NEK7: variants seen among roughly 807,000 people sequenced by gnomAD.
NEK7 encodes NIMA related kinase 7.
Under a neutral mutation model 44.6 loss-of-function variants are expected in NEK7, and 18 were observed. That is an observed-to-expected ratio of 0.40 (90% CI 0.28 to 0.60). The LOEUF (loss-of-function observed/expected upper bound fraction) is 0.60, where lower values mean the gene tolerates loss of function less well. NEK7 is among the 20% of genes least tolerant of loss of function. NEK7 has a pLI of 0.38. For synonymous variants in NEK7, 130 were observed against 121.1 expected (o/e 1.07, Z -0.48); for missense variants, 256 against 366.5 (o/e 0.70, Z 2.46).
At chr1:198,247,716 CT>C (rs146644192) in intron 2 of NEK7, among the ~76,000 whole-genome samples, 3,605 of 146,936 alleles carry the variant, frequency 0.025, 53 homozygotes, top group Non-Finnish European at 0.033. Flanking sequence ...ATTATTGCTT[CT>C]TTTTTTTTTA....
chr1:198,224,910 G>A (rs954637137), intron 1 of NEK7, among the ~76,000 whole-genome samples: 3 of 152,164 alleles, frequency 2.0e-5, no homozygotes, highest in Admixed American at 6.5e-5. Flanking sequence ...GTTTTGTAGT[G>A]CATGAGAGGT....
Position 198,278,050 on chromosome 1 carries a change from T to C in NEK7, c.462T>C (p.Ser154=). 13 of 1,560,472 alleles carry C rather than the reference T, an allele frequency of 8.3e-6. No homozygotes were observed. Among genetic ancestry groups the C allele is most frequent in the Non-Finnish European group, 1.1e-5 (13 of 1,132,458 alleles). The change falls in exon 6 of 10, where the codon TCT becomes TCC. Residue 154 remains serine (S), a synonymous_variant. Transcript: ENST00000367385. ...GCAGTGCATTGGAACACATGCATTC[T>C]CGAAGAGTCATGCATAGAGGTAAGA... ...QLCSALEHMH[S]RRVMHRDIKP...
intron 9 of NEK7, among the ~76,000 whole-genome samples, chr1:198,319,084 G>C (rs183938762): frequency 6.6e-6 from 1 of 152,026 alleles, no homozygotes; most frequent in Non-Finnish European, 1.5e-5. Flanking sequence ...TTAACTTGGA[G>C]ACTTATAGTT....
At chr1:198,169,996 G>GTCCTA (rs775111102) in intron 1 of NEK7, among the ~76,000 whole-genome samples, 20 of 152,196 alleles carry the variant, frequency 1.3e-4, no homozygotes, top group Non-Finnish European at 2.1e-4. Flanking sequence ...TAGCAGTAAG[G>GTCCTA]GAATGCCCAG....
intron 5 of NEK7, among the ~76,000 whole-genome samples, chr1:198,265,791 G>A (rs1199536086): frequency 6.6e-6 from 1 of 152,080 alleles, no homozygotes; most frequent in African/African-American, 2.4e-5. Context: ...AGGAAAGATT[G>A]ATATGTGGTT....
Position 198,293,768 on chromosome 1 carries a change from G to C in NEK7, c.684+729G>C, listed in dbSNP as rs142915128. On this transcript the variant is annotated intron_variant, in intron 8 of 9. Coordinates refer to ENST00000367385, the MANE Select transcript of NEK7 (RefSeq NM_133494.3). ...TAATTTTCCTAGGAATATAGGCTTCGAGTCAAAGCTGTTAATTAAAAATTA... is the reference window on the plus strand; with the variant it reads ...TAATTTTCCTAGGAATATAGGCTTCCAGTCAAAGCTGTTAATTAAAAATTA... Among the ~76,000 whole-genome samples the C allele has an allele frequency of 4.8e-3, 724 of 151,846 alleles. 7 individuals are homozygous for C. Among genetic ancestry groups the C allele is most frequent in the Non-Finnish European group, 6.7e-3 (457 of 67,756 alleles).
At chr1:198,158,174 A>G (rs1327173286) in intron 1 of NEK7, among the ~76,000 whole-genome samples, 1 of 152,206 alleles carries the variant, frequency 6.6e-6, no homozygotes, top group African/African-American at 2.4e-5. Flanking sequence ...ACCTTGCTGT[A>G]GTCCTCACTG....
chr1:198,182,000 A>T (rs1219760820), intron 1 of NEK7, among the ~76,000 whole-genome samples: 1 of 152,084 alleles, frequency 6.6e-6, no homozygotes, highest in Non-Finnish European at 1.5e-5. Context: ...ATATAATTTT[A>T]AAATGGCTTT....
intron 9 of NEK7, among the ~76,000 whole-genome samples, chr1:198,311,615 A>G (rs1655184890): frequency 1.3e-5 from 2 of 152,174 alleles, no homozygotes; most frequent in African/African-American, 4.8e-5. Context: ...ATGTCCCATC[A>G]ATACCTAATT....
At chr1:198,205,265 A>G (rs1298482426) in intron 1 of NEK7, among the ~76,000 whole-genome samples, 2 of 152,222 alleles carry the variant, frequency 1.3e-5, no homozygotes, top group Non-Finnish European at 2.9e-5. Context: ...TCAATGATAC[A>G]TCTGGATGCA....
intron 1 of NEK7, chr1:198,206,870 G>C: frequency 6.6e-6 from 1 of 152,058 alleles, no homozygotes; most frequent in Non-Finnish European, 1.5e-5. Flanking sequence ...AGAAATAAGA[G>C]TAGGAATTCA....
At chr1:198,180,384 T>C (rs930578970) in intron 1 of NEK7, among the ~76,000 whole-genome samples, 1 of 152,036 alleles carries the variant, frequency 6.6e-6, no homozygotes, top group African/African-American at 2.4e-5. Flanking sequence ...GTTTTAACTG[T>C]ATAGCTAGAT....
chr1:198,233,064 G>A (rs1392280270), intron 2 of NEK7, among the ~76,000 whole-genome samples: 8 of 150,706 alleles, frequency 5.3e-5, no homozygotes, highest in African/African-American at 7.3e-5. Context: ...AGCTCTGAGC[G>A]TTAGTATTAG....
chr1:198,177,835 G>T (rs1664650358), intron 1 of NEK7, among the ~76,000 whole-genome samples: 1 of 151,836 alleles, frequency 6.6e-6, no homozygotes, highest in South Asian at 2.1e-4. Flanking sequence ...AAATAACTTG[G>T]AATCACCATT....
chr1:198,297,688 C>T (rs899049684), intron 9 of NEK7, among the ~76,000 whole-genome samples: 2 of 152,150 alleles, frequency 1.3e-5, no homozygotes, highest in Non-Finnish European at 2.9e-5. Context: ...TTCCAAAACT[C>T]GAAACACGCA....
chr1:198,231,299 G>GTATATATATATATATA (rs1375044919), intron 1 of NEK7, among the ~76,000 whole-genome samples: 45 of 98,222 alleles, frequency 4.6e-4, no homozygotes, highest in African/African-American at 1.7e-3. Context: ...GTATGTGTGT[G>GTATATATATATATATA]TGTATATATA....
chr1:198,215,468 A>T (rs1401376915), intron 1 of NEK7, among the ~76,000 whole-genome samples: 1 of 152,148 alleles, frequency 6.6e-6, no homozygotes, highest in Non-Finnish European at 1.5e-5. Context: ...ACATTATAAG[A>T]TATTTTTGCA....
intron 7 of NEK7, among the ~76,000 whole-genome samples, chr1:198,283,485 T>C (rs1654274076): frequency 6.6e-6 from 1 of 152,100 alleles, no homozygotes; most frequent in Non-Finnish European, 1.5e-5. Context: ...TTTGGTCTCC[T>C]TATCCTCCTC....
intron 1 of NEK7, among the ~76,000 whole-genome samples, chr1:198,215,199 T>C (rs1306597950): frequency 6.6e-6 from 1 of 152,096 alleles, no homozygotes; most frequent in Non-Finnish European, 1.5e-5. Context: ...AAACAAAAGG[T>C]TGATATGCAT....
Sources: allele counts gnomAD v4.1 joint callset (sites outside exome capture counted in the v4.1 genomes callset), GRCh38; gene constraint gnomAD v4.1.1; transcripts MANE v1.5; gene names NCBI Gene and HGNC (gene_info 2026-07-23, HGNC 2026-07-21).